PWWP3A: variants seen among roughly 807,000 people sequenced by gnomAD.
PWWP3A encodes the protein PWWP domain containing 3A, DNA repair factor.
In PWWP3A, 53 loss-of-function variants were observed where a neutral mutation model predicts 79.0. The observed-to-expected ratio is 0.67, with a 90% CI of 0.54 to 0.84. PWWP3A has a LOEUF of 0.84. Among genes scored for constraint, PWWP3A ranks in the 40% least tolerant of loss-of-function variants. PWWP3A has a pLI of 0.00. For missense variants in PWWP3A, 973 were observed against 948.0 expected, an observed-to-expected ratio of 1.03 and a Z score of -0.35; for synonymous variants, 443 against 394.4, an observed-to-expected ratio of 1.12 and a Z score of -1.46.
rs2082177274 is a variant in PWWP3A at position 1,368,542 on chromosome 19, A to T, written c.1423-723A>T. Among the ~76,000 whole-genome samples the T allele has an allele frequency of 6.6e-6, 1 of 152,152 alleles. No individual in the cohort carries two copies. The highest frequency in any genetic ancestry group is 2.1e-4 in the South Asian group (1 of 4,832). ...GTCCACCCGGCCCTGGGATGTGCTT[A>T]TGGGGTGCCCCCGTACCCCTAGTGG... On this transcript the variant is annotated intron_variant, in intron 9 of 13. Coordinates refer to ENST00000591337, the MANE Select transcript of PWWP3A (RefSeq NM_001369789.1). The surrounding 1 kb of genome is among the most constrained non-coding windows in gnomAD (Gnocchi z 4.7).
At position 1,370,944 on chromosome 19, in the gene PWWP3A, T is replaced by C. The variant is rs1395842684; in HGVS notation, c.1852T>C (p.Tyr618His). The C allele has an allele frequency of 1.3e-6, 2 of 1,556,962 alleles. No homozygotes were observed. The highest frequency in any genetic ancestry group is 2.7e-5 in the African/African-American group (2 of 73,458). Residue 618 changes from tyrosine to histidine, a missense_variant, in exon 12 of 14, where the codon TAC becomes CAC. Transcript: ENST00000591337. ...SSQYVTCVET[Y>H]LEDEGQLDLV... Reference sequence around the variant, plus strand: ...CCAGTACGTGACCTGTGTGGAGACCTACCTGGAGGATGAGGGGCAGCTGGA... The same window carrying C: ...CCAGTACGTGACCTGTGTGGAGACCCACCTGGAGGATGAGGGGCAGCTGGA...
At chr19:1,373,273 G>A in intron 13 of PWWP3A, 113 bp downstream of exon 13, 4 of 866,428 alleles carry the variant, frequency 4.6e-6, no homozygotes, top group Non-Finnish European at 7.4e-6. Flanking sequence ...TCCCTCATGA[G>A]GTGGCCCAGG....
At position 1,370,774 on chromosome 19, in the gene PWWP3A, C is replaced by T. The variant is rs1339633222; in HGVS notation, c.1682C>T (p.Pro561Leu). 6.6e-7 allele frequency: 1 copy of T among 1,526,422 alleles called. No individual in the cohort carries two copies. Among genetic ancestry groups the T allele is most frequent in the Non-Finnish European group, 8.8e-7 (1 of 1,133,496 alleles). The allele number at this position is 1,526,422 out of a possible 1,614,324, so 94.6% of individuals were successfully genotyped here. ...AGGCAGCCCTGCCGGAAAATGCTCC[C>T]CGACCGCTCGCGGGCCGCCCGGGAC... ...GQRQPCRKML[P>L]DRSRAARDRA... is the part of the protein sequence containing the mutation. Residue 561 changes from proline (P) to leucine (L), a missense_variant, in exon 12 of 14, where the codon CCC becomes CTC. By Grantham distance (98) the Pro-to-Leu change is moderately conservative. Coordinates refer to ENST00000591337, the MANE Select transcript of PWWP3A (RefSeq NM_001369789.1).
In PWWP3A at chr19:1,356,379, CAT is replaced by C. The variant is rs1207072278; in HGVS notation, c.-13_-12del. 11 of 1,613,942 alleles carry C rather than the reference CAT, an allele frequency of 6.8e-6. No individual in the cohort carries two copies. Among genetic ancestry groups the C allele is most frequent in the Admixed American group, 1.7e-5 (1 of 59,998 alleles). On this transcript the variant is annotated 5_prime_UTR_variant, in exon 2 of 14. The change abolishes an upstream ATG in the 5' untranslated region. Coordinates refer to ENST00000591337, the MANE Select transcript of PWWP3A (RefSeq NM_001369789.1). ...TGTGCCAAATCATTGCCACTTGCCACATGAGTGTAAATGATGGCGGATGCCAA... is the reference window on the plus strand; with the variant it reads ...TGTGCCAAATCATTGCCACTTGCCACGAGTGTAAATGATGGCGGATGCCAA...
At chr19:1,362,427 GC>G in intron 6 of PWWP3A, 76 bp downstream of exon 6, 2 of 1,151,262 alleles carry the variant, frequency 1.7e-6, no homozygotes, top group Non-Finnish European at 2.5e-6. Flanking sequence ...CCGAGACCGG[GC>G]CCCACATTCT....
chr19:1,360,036 T>TA lies in PWWP3A; in HGVS notation c.215-99dup. On this transcript the variant is annotated intron_variant, in intron 4 of 13. Coordinates refer to ENST00000591337, the MANE Select transcript of PWWP3A (RefSeq NM_001369789.1). The surrounding 1 kb of genome is among the most constrained non-coding windows in gnomAD (Gnocchi z 4.4). ...CCCTTCAGTGATTTAGGTATGAAAC[T>TA]AGCCGTCAGAATGAGACAAGCGAGC... 1 of 1,234,790 alleles carries TA rather than the reference T, an allele frequency of 8.1e-7. No homozygotes were observed. Among genetic ancestry groups the TA allele is most frequent in the Non-Finnish European group, 1.1e-6 (1 of 927,004 alleles). 76.5% of individuals were successfully genotyped at this position (1,234,790 alleles called of 1,614,324 possible).
At chr19:1,357,198 G>T in intron 3 of PWWP3A, 104 bp downstream of exon 3, 1 of 768,642 alleles carries the variant, frequency 1.3e-6, no homozygotes, top group Non-Finnish European at 2.1e-6. Context: ...ACTCTTAATG[G>T]GCTTATTCAC....
intron 7 of PWWP3A, 66 bp from the exon 8 acceptor site, chr19:1,366,239 A>G: frequency 2.6e-6 from 4 of 1,551,598 alleles, no homozygotes; most frequent in Non-Finnish European, 2.7e-6. Context: ...GTGATGTCAC[A>G]AAAAAATATT....
At chr19:1,367,744 G>A (rs2082160363) in intron 9 of PWWP3A, among the ~76,000 whole-genome samples, 1 of 152,234 alleles carries the variant, frequency 6.6e-6, no homozygotes, top group South Asian at 2.1e-4. Context: ...CTTTCATCAT[G>A]TGCTGTCGAT....
At chr19:1,374,766 TCA>T (rs1265253734) in intron 13 of PWWP3A, among the ~76,000 whole-genome samples, 1 of 152,122 alleles carries the variant, frequency 6.6e-6, no homozygotes, top group Non-Finnish European at 1.5e-5. Flanking sequence ...TTTTAGTCAG[TCA>T]CAGTGGCTCA....
In PWWP3A at chr19:1,369,625, G is replaced by A. The variant is rs1415024223; in HGVS notation, c.1528G>A (p.Glu510Lys). 17 of 1,614,084 alleles carry A rather than the reference G, an allele frequency of 1.1e-5. No individual in the cohort carries two copies. Among genetic ancestry groups the A allele is most frequent in the Non-Finnish European group, 1.4e-5 (17 of 1,180,044 alleles). ...GCGSFAGSFL[E>K]YYAADISYPV... ...CGGGTCTTTTGCTGGCTCTTTCCTGGAATATTACGCGGCTGATATAAGTAA... is the reference window on the plus strand; with the variant it reads ...CGGGTCTTTTGCTGGCTCTTTCCTGAAATATTACGCGGCTGATATAAGTAA... Residue 510 changes from glutamate (E) to lysine (K), a missense_variant, in exon 11 of 14, where the codon GAA becomes AAA. Transcript: ENST00000591337. This position sits in a 1 kb window ranked among gnomAD's most constrained non-coding sequence, Gnocchi z 4.0.
chr19:1,370,736 C>T lies in PWWP3A; in HGVS notation c.1644C>T (p.Cys548=), dbSNP rs2082236600. Residue 548 remains cysteine, a synonymous_variant, in exon 12 of 14, where the codon TGC becomes TGT. Transcript: ENST00000591337. ...GCCCCGAGGAGCCCGTGGTGGGGTG[C>T]CCCCTGGGGCAGAGGCAGCCCTGCC... The part of the protein sequence containing the change: ...KGSPEEPVVG[C]PLGQRQPCRK... The T allele has an allele frequency of 1.4e-6, 2 of 1,477,768 alleles. No individual in the cohort carries two copies. The highest frequency in any genetic ancestry group is 2.8e-5 in the South Asian group (2 of 71,888). 91.5% of individuals were successfully genotyped at this position (1,477,768 alleles called of 1,614,324 possible).
intron 6 of PWWP3A, among the ~76,000 whole-genome samples, chr19:1,362,908 G>A (rs1027388965): frequency 2.6e-5 from 4 of 152,218 alleles, no homozygotes; most frequent in Non-Finnish European, 5.9e-5. Flanking sequence ...AGCCAGCCGC[G>A]AACAGAAAGT....
chr19:1,369,555 CTT>C lies in PWWP3A; in HGVS notation c.1499-40_1499-39del. The C allele has an allele frequency of 6.2e-7, 1 of 1,612,108 alleles. No individual in the cohort carries two copies. Among genetic ancestry groups the C allele is most frequent in the Non-Finnish European group, 8.5e-7 (1 of 1,178,184 alleles). On this transcript the variant is annotated intron_variant, in intron 10 of 13. Transcript: ENST00000591337. The surrounding 1 kb of genome is among the most constrained non-coding windows in gnomAD (Gnocchi z 4.0). ...CTGGAACACACTTCCTGGGACTCCT[CTT>C]AGGTCTACACAGTGCTCTCTCCCCT...
intron 11 of PWWP3A, 118 bp from the exon 12 acceptor site, chr19:1,370,524 C>G (rs942170557): frequency 6.6e-6 from 6 of 909,590 alleles, no homozygotes; most frequent in Non-Finnish European, 9.5e-6. Context: ...ACACGGAGCT[C>G]GATCGCTAGG....
chr19:1,357,204 T>G, intron 3 of PWWP3A, 110 bp downstream of exon 3: 2 of 736,500 alleles, frequency 2.7e-6, no homozygotes, highest in Non-Finnish European at 4.5e-6. Context: ...AATGGGCTTA[T>G]TCACCATTTG....
At chr19:1,375,356 C>G (rs4011457) in intron 13 of PWWP3A, among the ~76,000 whole-genome samples, 17,532 of 145,748 alleles carry the variant, frequency 0.12, 1,119 homozygotes, top group Admixed American at 0.17. Flanking sequence ...CTTCATCTTT[C>G]CAAACTACAG....
At chr19:1,367,247 T>C in intron 9 of PWWP3A, 27 bp downstream of exon 9, 4 of 1,586,292 alleles carry the variant, frequency 2.5e-6, no homozygotes, top group Non-Finnish European at 3.5e-6. Flanking sequence ...TTGTGCTTGC[T>C]TTAAATGGTT....
At chr19:1,358,076 A>C (rs1009881065) in intron 3 of PWWP3A, 1 of 320,604 alleles carries the variant, frequency 3.1e-6, no homozygotes, top group Non-Finnish European at 5.7e-6. Flanking sequence ...ATCTACTCTG[A>C]AAATCTAACA....
Sources: gnomAD v4.1 joint callset for allele counts (sites outside exome capture counted in the v4.1 genomes callset) on GRCh38, gnomAD v4.1.1 for gene constraint, Gnocchi (gnomAD v3.1) non-coding constraint, MANE v1.5 for transcripts, NCBI Gene and HGNC (gene_info 2026-07-23, HGNC 2026-07-21) for gene names.